The following THADA variants were observed in gnomAD, a reference collection of about 807,000 sequenced individuals.
THADA encodes THADA armadillo repeat containing.
A neutral mutation model predicts 219.8 loss-of-function variants in THADA; 213 were observed. The ratio of observed to expected loss-of-function variants is 0.97; its 90% CI spans 0.87 to 1.09. The LOEUF (loss-of-function observed/expected upper bound fraction) is 1.09. Ranked by LOEUF, THADA falls within the 50% of genes least tolerant of loss-of-function variation. The pLI, the probability that THADA is intolerant of heterozygous loss-of-function variation, is 0.00. For synonymous variants in THADA, 1,018 were observed against 828.9 expected (o/e 1.23, Z -3.92); for missense variants, 2,956 against 2,311.3 (o/e 1.28, Z -5.72).
In THADA at chr2:43,291,741, T is replaced by C; in HGVS notation, c.4965A>G (p.Arg1655=). 6.4e-7 allele frequency: 1 copy of C among 1,555,256 alleles called. No homozygotes were observed. The highest frequency in any genetic ancestry group is 8.7e-7 in the Non-Finnish European group (1 of 1,147,948). The change falls in exon 34 of 38, where the codon AGA becomes AGG. Residue 1655 remains arginine (R), a synonymous_variant. Transcript: ENST00000405975. ...ERSEIQSVAL[R]LASKVISHHM... ...GGTGGGAAATGACTTTGGAAGCAAG[T>C]CTCAGAGCTACACTCTGAATTTCAG...
At chr2:43,498,803 T>C (rs1688583541) in intron 25 of THADA, 30 bp downstream of exon 25, 4 of 1,603,610 alleles carry the variant, frequency 2.5e-6, no homozygotes, top group Admixed American at 1.7e-5. Context: ...CATAATTAAA[T>C]CAATGAAAAT....
At chr2:43,417,145 T>A (rs1359110702) in intron 28 of THADA, among the ~76,000 whole-genome samples, 2 of 149,756 alleles carry the variant, frequency 1.3e-5, no homozygotes, top group South Asian at 2.1e-4. Flanking sequence ...TAAACTTAAA[T>A]TCTTATGTAA....
chr2:43,478,691 C>T (rs1484227038), intron 26 of THADA, among the ~76,000 whole-genome samples: 3 of 152,046 alleles, frequency 2.0e-5, no homozygotes, highest in Non-Finnish European at 4.4e-5. Flanking sequence ...AAGGCAATAG[C>T]CTGAAGCAGT....
intron 28 of THADA, among the ~76,000 whole-genome samples, chr2:43,418,873 C>A (rs1677339921): frequency 6.6e-6 from 1 of 152,016 alleles, no homozygotes; most frequent in Non-Finnish European, 1.5e-5. Flanking sequence ...AGAGAAAAAG[C>A]AGAAATGAGA....
At chr2:43,520,170 A>G (rs1250950141) in intron 22 of THADA, among the ~76,000 whole-genome samples, 2 of 152,190 alleles carry the variant, frequency 1.3e-5, no homozygotes, top group African/African-American at 2.4e-5. Flanking sequence ...CACCAACCAC[A>G]GCTATGGGGA....
intron 28 of THADA, among the ~76,000 whole-genome samples, chr2:43,424,414 G>C (rs79069325): frequency 2.1e-3 from 316 of 152,148 alleles, no homozygotes; most frequent in African/African-American, 6.9e-3. Context: ...ACCCTTCCAA[G>C]TACATAAATT....
Position 43,527,873 on chromosome 2 carries a change from T to C in THADA, c.3374+6A>G. On this transcript the variant is annotated splice_donor_region_variant and intron_variant, in intron 22 of 37. Coordinates refer to ENST00000405975, the MANE Select transcript of THADA (RefSeq NM_022065.5). ...TAAAACGTACACAAAAGGATATTTGTTTTACCTGTTTAGTACTTCAGTGAG... is the reference window on the plus strand; with the variant it reads ...TAAAACGTACACAAAAGGATATTTGCTTTACCTGTTTAGTACTTCAGTGAG... The C allele has an allele frequency of 6.3e-7, 1 of 1,586,154 alleles. No homozygotes were observed. Among genetic ancestry groups the C allele is most frequent in the Non-Finnish European group, 8.6e-7 (1 of 1,156,630 alleles).
At chr2:43,439,883 T>C (rs1326580774) in intron 26 of THADA, among the ~76,000 whole-genome samples, 1 of 152,190 alleles carries the variant, frequency 6.6e-6, no homozygotes, top group African/African-American at 2.4e-5. Flanking sequence ...ACATACTTTA[T>C]ACATATTCTT....
intron 26 of THADA, among the ~76,000 whole-genome samples, chr2:43,475,310 G>T (rs1685385196): frequency 6.6e-6 from 1 of 151,822 alleles, no homozygotes. Context: ...CAGCTACTTG[G>T]GAGGTTGAGG....
At chr2:43,443,344 C>T (rs569976305) in intron 26 of THADA, among the ~76,000 whole-genome samples, 1 of 152,184 alleles carries the variant, frequency 6.6e-6, no homozygotes, top group Admixed American at 6.5e-5. Flanking sequence ...AATGTAGTGG[C>T]ATTCAGAATC....
At chr2:43,584,902 A>G (rs1311002484) in intron 7 of THADA, among the ~76,000 whole-genome samples, 1 of 152,238 alleles carries the variant, frequency 6.6e-6, no homozygotes, top group Admixed American at 6.5e-5. Context: ...AAGATAGCAC[A>G]CACAGATAAG....
At chr2:43,538,377 T>A (rs1026977026) in intron 21 of THADA, 2 of 152,200 alleles carry the variant, frequency 1.3e-5, no homozygotes, top group Non-Finnish European at 2.9e-5. Flanking sequence ...AGGAACACTA[T>A]GAAAGAACCT....
At chr2:43,431,497 ACT>A (rs1679278884) in intron 26 of THADA, among the ~76,000 whole-genome samples, 1 of 151,510 alleles carries the variant, frequency 6.6e-6, no homozygotes. Flanking sequence ...ACGGAGTCTC[ACT>A]CTGTTGCCCA....
At chr2:43,395,667 G>T (rs1033496310) in intron 29 of THADA, among the ~76,000 whole-genome samples, 3 of 152,198 alleles carry the variant, frequency 2.0e-5, no homozygotes, top group Non-Finnish European at 4.4e-5. Context: ...TTTGCCAGAG[G>T]CTACAAGGTG....
chr2:43,328,426 A>G (rs1679579767), intron 30 of THADA, among the ~76,000 whole-genome samples: 1 of 152,070 alleles, frequency 6.6e-6, no homozygotes, highest in African/African-American at 2.4e-5. Context: ...GAGCTTTGTG[A>G]GTGTTTATAC....
At chr2:43,419,572 C>T (rs1023278536) in intron 28 of THADA, among the ~76,000 whole-genome samples, 1 of 152,086 alleles carries the variant, frequency 6.6e-6, no homozygotes, top group Admixed American at 6.5e-5. Context: ...TTCTATTTCC[C>T]AATTCTTATT....
chr2:43,358,747 G>A (rs895933220), intron 29 of THADA, among the ~76,000 whole-genome samples: 5 of 152,138 alleles, frequency 3.3e-5, no homozygotes, highest in African/African-American at 1.2e-4. Context: ...AAACCTGAGT[G>A]GGCCTGAGAC....
chr2:43,277,985 C>G (rs1413235695), intron 36 of THADA, among the ~76,000 whole-genome samples: 2 of 144,238 alleles, frequency 1.4e-5, no homozygotes, highest in Non-Finnish European at 3.0e-5. Flanking sequence ...AAGTCTTGCT[C>G]TGTCATCCAG....
At chr2:43,264,868 C>T (rs750759910) in intron 36 of THADA, among the ~76,000 whole-genome samples, 1 of 152,206 alleles carries the variant, frequency 6.6e-6, no homozygotes, top group Non-Finnish European at 1.5e-5. Context: ...ACAACCATTT[C>T]CAGCAAATGG....
Sources: gnomAD v4.1 joint callset for allele counts (sites outside exome capture counted in the v4.1 genomes callset) on GRCh38, gnomAD v4.1.1 for gene constraint, MANE v1.5 for transcripts, NCBI Gene and HGNC (gene_info 2026-07-23, HGNC 2026-07-21) for gene names.